Variants in UVRAG observed in about 807,000 individuals in gnomAD.
The protein encoded by UVRAG is UV radiation resistance-associated gene protein.
Under a neutral mutation model 78.0 loss-of-function variants are expected in UVRAG, and 19 were observed. The observed-to-expected ratio is 0.24, with a 90% CI of 0.17 to 0.36. The LOEUF (loss-of-function observed/expected upper bound fraction) is 0.36, where lower values mean the gene tolerates loss of function less well. UVRAG is among the 10% of genes least tolerant of loss of function. The pLI is 1.00. For missense variants in UVRAG, 740 were observed against 853.8 expected (o/e 0.87, Z 1.66); for synonymous variants, 323 against 324.6 (o/e 1.00, Z 0.05).
intron 12 of UVRAG, among the ~76,000 whole-genome samples, chr11:76,030,272 A>T (rs1174461883): frequency 6.6e-6 from 1 of 152,066 alleles, no homozygotes; most frequent in Non-Finnish European, 1.5e-5. Context: ...GCATCAAGCG[A>T]TACTTCTCTC....
chr11:75,852,321 A>G (rs1466522667), intron 2 of UVRAG, among the ~76,000 whole-genome samples: 3 of 152,162 alleles, frequency 2.0e-5, no homozygotes, highest in Non-Finnish European at 4.4e-5. Flanking sequence ...AATGTAATAA[A>G]TTTCTTTTCT....
chr11:75,901,041 T>C (rs1259396422), intron 5 of UVRAG, among the ~76,000 whole-genome samples: 1 of 152,062 alleles, frequency 6.6e-6, no homozygotes, highest in African/African-American at 2.4e-5. Context: ...GAGCCAGGGG[T>C]GTCTAAGGCT....
At chr11:75,850,047 G>A (rs1946120564) in intron 1 of UVRAG, among the ~76,000 whole-genome samples, 1 of 151,408 alleles carries the variant, frequency 6.6e-6, no homozygotes, top group South Asian at 2.1e-4. Flanking sequence ...AAATGAAGTG[G>A]TGGCCTGCAA....
At chr11:75,902,256 A>G (rs1436287680) in intron 5 of UVRAG, among the ~76,000 whole-genome samples, 1 of 152,190 alleles carries the variant, frequency 6.6e-6, no homozygotes, top group African/African-American at 2.4e-5. Context: ...GTGGAAGACA[A>G]GTTTTTCCAG....
At chr11:75,930,617 G>A (rs969400523) in intron 6 of UVRAG, among the ~76,000 whole-genome samples, 1 of 152,158 alleles carries the variant, frequency 6.6e-6, no homozygotes, top group African/African-American at 2.4e-5. Flanking sequence ...GCTTCAACAC[G>A]GAGCTGTCCC....
At chr11:75,881,714 G>T (rs923119846) in intron 4 of UVRAG, among the ~76,000 whole-genome samples, 1 of 152,196 alleles carries the variant, frequency 6.6e-6, no homozygotes, top group African/African-American at 2.4e-5. Context: ...ATGGCACCAG[G>T]CCTTCAGAAT....
intron 12 of UVRAG, among the ~76,000 whole-genome samples, chr11:76,063,978 G>A (rs1951140414): frequency 6.6e-6 from 1 of 152,192 alleles, no homozygotes. Context: ...CTAAGAATTT[G>A]AAAGCAATAT....
intron 14 of UVRAG, among the ~76,000 whole-genome samples, chr11:76,128,683 C>T (rs1191572207): frequency 1.3e-5 from 2 of 152,122 alleles, no homozygotes. Flanking sequence ...GTGGCGCCAT[C>T]ATAGCTCACT....
intron 5 of UVRAG, among the ~76,000 whole-genome samples, chr11:75,902,664 A>G (rs1947529372): frequency 1.3e-5 from 2 of 152,070 alleles, no homozygotes; most frequent in East Asian, 1.9e-4. Flanking sequence ...CAAATTTTAT[A>G]GTTAAGTGTT....
intron 12 of UVRAG, among the ~76,000 whole-genome samples, chr11:76,054,575 G>C (rs573842200): frequency 4.3e-4 from 65 of 152,246 alleles, no homozygotes; most frequent in African/African-American, 1.6e-3. Context: ...CAGGCACTCT[G>C]GTCTGCCTTC....
At position 75,827,895 on chromosome 11, in the gene UVRAG, C is replaced by CT. The variant is rs988179141; in HGVS notation, c.117+12382dup. ...AATCTTGCTTAGGATTTTGAAAAAC[C>CT]TTTTTTTTTTTAACGTTGTCTCCTT... is the stretch of plus-strand genomic sequence containing the variant. On this transcript the variant is annotated intron_variant, in intron 1 of 14. Coordinates refer to ENST00000356136, the MANE Select transcript of UVRAG (RefSeq NM_003369.4). Among the ~76,000 whole-genome samples, 780 of 145,962 alleles carry CT rather than the reference C, an allele frequency of 5.3e-3. 3 individuals are homozygous for CT. Among genetic ancestry groups the CT allele is most frequent in the African/African-American group, 0.017 (669 of 39,960 alleles).
At chr11:76,059,534 T>G (rs900495027) in intron 12 of UVRAG, among the ~76,000 whole-genome samples, 3 of 152,146 alleles carry the variant, frequency 2.0e-5, no homozygotes, top group African/African-American at 4.8e-5. Context: ...CTAGAGACAT[T>G]TTTGGTTATC....
At chr11:75,901,529 C>T (rs1234722625) in intron 5 of UVRAG, among the ~76,000 whole-genome samples, 3 of 152,188 alleles carry the variant, frequency 2.0e-5, no homozygotes, top group African/African-American at 7.2e-5. Context: ...CCTCTCACAA[C>T]ACTTCCTCCT....
At chr11:76,137,276 A>C in intron 14 of UVRAG, 1 of 453,526 alleles carries the variant, frequency 2.2e-6, no homozygotes, top group Non-Finnish European at 4.4e-6. Context: ...AACCACCCAC[A>C]GCGCCAGAGG....
At chr11:75,931,282 T>TA (rs1407461683) in intron 6 of UVRAG, among the ~76,000 whole-genome samples, 1 of 152,198 alleles carries the variant, frequency 6.6e-6, no homozygotes, top group East Asian at 1.9e-4. Flanking sequence ...AATGTCACGT[T>TA]ATGACACCAG....
chr11:75,928,202 G>A (rs1854311866), intron 6 of UVRAG, among the ~76,000 whole-genome samples: 1 of 152,162 alleles, frequency 6.6e-6, no homozygotes, highest in South Asian at 2.1e-4. Flanking sequence ...TGCTGCTGGT[G>A]AAATAGCCAT....
At chr11:76,025,839 G>C (rs914168533) in intron 12 of UVRAG, among the ~76,000 whole-genome samples, 3 of 152,096 alleles carry the variant, frequency 2.0e-5, no homozygotes, top group African/African-American at 7.2e-5. Flanking sequence ...AGGTGCATAA[G>C]GCGGTCATAT....
intron 11 of UVRAG, among the ~76,000 whole-genome samples, chr11:76,013,651 A>G (rs1950094462): frequency 6.6e-6 from 1 of 152,198 alleles, no homozygotes; most frequent in Non-Finnish European, 1.5e-5. Context: ...AGCTAAAGTG[A>G]TTGGCAACAG....
chr11:76,114,144 C>T (rs1033380387), intron 13 of UVRAG, among the ~76,000 whole-genome samples: 2 of 151,784 alleles, frequency 1.3e-5, no homozygotes, highest in Non-Finnish European at 2.9e-5. Flanking sequence ...CATGTGTAAA[C>T]GATTTCACTT....
Sources: gnomAD v4.1 joint callset for allele counts (sites outside exome capture counted in the v4.1 genomes callset) on GRCh38, gnomAD v4.1.1 for gene constraint, MANE v1.5 for transcripts, NCBI Gene and HGNC (gene_info 2026-07-23, HGNC 2026-07-21) for gene names.